The following MYO18B variants were observed in gnomAD, a reference collection of about 807,000 sequenced individuals.
MYO18B encodes the protein myosin XVIIIB.
In MYO18B, 204 loss-of-function variants were observed where a neutral mutation model predicts 273.0. The ratio of observed to expected loss-of-function variants is 0.75; its 90% CI spans 0.67 to 0.84. The LOEUF is 0.84. Among genes scored for constraint, MYO18B ranks in the 40% least tolerant of loss-of-function variants. The probability of loss-of-function intolerance (pLI) is 0.00; values close to 1 mark genes in which losing one functional copy is unlikely to be tolerated. For synonymous variants in MYO18B, 1,330 were observed against 1,305.7 expected (o/e 1.02, Z -0.40); for missense variants, 3,212 against 3,287.6 (o/e 0.98, Z 0.56).
rs1569309620 is a variant in MYO18B at position 26,027,085 on chromosome 22, C to T, written c.7111C>T (p.Pro2371Ser). The T allele has an allele frequency of 6.2e-7, 1 of 1,614,012 alleles. No individual in the cohort carries two copies. The highest frequency in any genetic ancestry group is 8.5e-7 in the Non-Finnish European group (1 of 1,179,894). ...MGRKLSSPTT[P>S]RDMLLSPTLR... is the part of the protein sequence containing the mutation. ...GAGAAAACTGAGCTCTCCGACCACA[C>T]CCAGGGACATGCTGTTGTCGCCCAC... The change falls in exon 43 of 44, where the codon CCC (proline) becomes TCC (serine). Residue 2371 changes from proline (P) to serine (S), a missense_variant. Physicochemically the swap from Pro to Ser is moderately conservative, Grantham distance 74 (BLOSUM62 -1). Coordinates refer to ENST00000335473, the MANE Select transcript of MYO18B (RefSeq NM_032608.7). The surrounding 1 kb of genome is among the most constrained non-coding windows in gnomAD (Gnocchi z 4.1).
intron 15 of MYO18B, among the ~76,000 whole-genome samples, chr22:25,831,707 A>G (rs543019628): frequency 2.6e-5 from 4 of 152,272 alleles, no homozygotes; most frequent in East Asian, 3.9e-4. Flanking sequence ...TGTGGCAACT[A>G]TTATTCCCCA....
intron 7 of MYO18B, among the ~76,000 whole-genome samples, chr22:25,773,900 G>A (rs563472622): frequency 3.9e-4 from 59 of 152,300 alleles, no homozygotes; most frequent in Non-Finnish European, 7.1e-4. Flanking sequence ...CTGCTGGGTG[G>A]AGGACAGATG....
intron 21 of MYO18B, among the ~76,000 whole-genome samples, chr22:25,855,533 G>A (rs1376461324): frequency 1.3e-5 from 2 of 152,070 alleles, no homozygotes; most frequent in Non-Finnish European, 2.9e-5. Context: ...GCCCACCTCG[G>A]CCTCCCAAAG....
At chr22:25,977,890 G>A (rs2093109298) in intron 39 of MYO18B, among the ~76,000 whole-genome samples, 1 of 152,204 alleles carries the variant, frequency 6.6e-6, no homozygotes, top group Admixed American at 6.5e-5. Flanking sequence ...GGTCAAGTGG[G>A]TGACAAGACT....
Position 25,768,972 on chromosome 22 carries a change from G to T in MYO18B, c.1056G>T (p.Gln352His). 3 of 1,611,334 alleles carry T rather than the reference G, an allele frequency of 1.9e-6. No individual in the cohort carries two copies. The highest frequency in any genetic ancestry group is 2.5e-6 in the Non-Finnish European group (3 of 1,178,702). Residue 352 changes from glutamine (Q) to histidine (H), a missense_variant, in exon 4 of 44, where the codon CAG becomes CAT. By Grantham distance (24) the Gln-to-His change is conservative. Transcript: ENST00000335473. ...AGGCAGAGAAGACAGGTGAGCCTCA[G>T]ACCCAGATGGAGAAGACAAGCCAAG... The part of the protein sequence containing the change: ...LSKAEKTGEP[Q>H]TQMEKTSQVQ...
the MYO18B span, among the ~76,000 whole-genome samples, chr22:26,046,374 A>G: frequency 6.6e-6 from 1 of 152,200 alleles, no homozygotes; most frequent in Non-Finnish European, 1.5e-5. Flanking sequence ...ACTTGCACTA[A>G]CTCAGAATTT....
At chr22:26,028,749 G>A (rs568433001) in intron 43 of MYO18B, among the ~76,000 whole-genome samples, 36 of 152,186 alleles carry the variant, frequency 2.4e-4, no homozygotes, top group Middle Eastern at 3.4e-3. Context: ...ATAGCAGAGC[G>A]TGGTAGCGGG....
rs188284554 is a variant in MYO18B, at chr22:25,972,302, A to T, written c.6156+16938A>T. 6.6e-5 allele frequency among the ~76,000 whole-genome samples: 10 copies of T among 152,196 alleles called. No individual in the cohort carries two copies. The South Asian group carries it at 1.5e-3, about 22-fold the overall frequency. ...CTTGCTTGGTTTGCATCTGTTAAGG[A>T]TGTCAGCTGGAGGTATATTTTAAGT... On this transcript the variant is annotated intron_variant, in intron 39 of 43. Transcript: ENST00000335473.
intron 25 of MYO18B, among the ~76,000 whole-genome samples, chr22:25,889,887 C>A (rs1445352645): frequency 6.6e-6 from 1 of 152,138 alleles, no homozygotes; most frequent in African/African-American, 2.4e-5. Context: ...CAGGACCCAT[C>A]CATTTCTTTC....
At chr22:26,049,883 G>C in the MYO18B span, among the ~76,000 whole-genome samples, 6 of 152,104 alleles carry the variant, frequency 3.9e-5, no homozygotes, top group African/African-American at 1.4e-4. Flanking sequence ...CACAGTGGCT[G>C]GTATACAACA....
chr22:25,962,537 G>A (rs2092929137), intron 39 of MYO18B, among the ~76,000 whole-genome samples: 1 of 152,188 alleles, frequency 6.6e-6, no homozygotes, highest in Admixed American at 6.5e-5. Context: ...ATCTTACTAT[G>A]TACCTAGCCC....
intron 21 of MYO18B, among the ~76,000 whole-genome samples, chr22:25,864,613 A>C (rs2090834513): frequency 6.6e-6 from 1 of 152,010 alleles, no homozygotes; most frequent in South Asian, 2.1e-4. Context: ...TTGGGTTCAA[A>C]CCCCCTACCA....
intron 11 of MYO18B, among the ~76,000 whole-genome samples, chr22:25,796,798 C>T (rs79080767): frequency 2.0e-5 from 3 of 152,108 alleles, no homozygotes; most frequent in Admixed American, 6.5e-5. Context: ...CGTGGGGGCA[C>T]GTATCAGTAT....
At chr22:26,048,698 TA>T in the MYO18B span, among the ~76,000 whole-genome samples, 13 of 151,124 alleles carry the variant, frequency 8.6e-5, no homozygotes, top group East Asian at 7.8e-4. Flanking sequence ...CTCTCATTAT[TA>T]AAAAAAAACA....
At chr22:25,872,273 G>A (rs1458699703) in intron 22 of MYO18B, among the ~76,000 whole-genome samples, 1 of 152,184 alleles carries the variant, frequency 6.6e-6, no homozygotes, top group South Asian at 2.1e-4. Context: ...ATGGAGAATC[G>A]ATCGAGACCC....
chr22:25,845,980 G>A, intron 18 of MYO18B, 120 bp from the exon 19 acceptor site: 2 of 832,526 alleles, frequency 2.4e-6, no homozygotes, highest in Non-Finnish European at 3.5e-6. Flanking sequence ...GACTGTAGAG[G>A]AGGCTTTAGG....
intron 1 of MYO18B, among the ~76,000 whole-genome samples, chr22:25,744,898 A>C (rs1463462333): frequency 6.6e-6 from 1 of 152,106 alleles, no homozygotes; most frequent in Non-Finnish European, 1.5e-5. Flanking sequence ...AGGGAAAGCC[A>C]CTTGTTCAAG....
At position 25,823,608 on chromosome 22, in the gene MYO18B, TCGAC is replaced by T; in HGVS notation, c.2626_2629del (p.Gln877SerfsTer5). Reference sequence around the variant, plus strand: ...ACACGGCCACCTTCAAGCACCACCTTCGACAGATCATCCAGCAAATGACGTTTGG... The same window carrying T: ...ACACGGCCACCTTCAAGCACCACCTTAGATCATCCAGCAAATGACGTTTGG... On this transcript the variant is annotated frameshift_variant, in exon 13 of 44. Coordinates refer to ENST00000335473, the MANE Select transcript of MYO18B (RefSeq NM_032608.7). LOFTEE classifies it high-confidence loss of function. 6.2e-7 allele frequency: 1 copy of T among 1,613,908 alleles called. No individual in the cohort carries two copies. The highest frequency in any genetic ancestry group is 2.2e-5 in the East Asian group (1 of 44,870).
At chr22:25,971,173 G>A (rs950103810) in intron 39 of MYO18B, among the ~76,000 whole-genome samples, 2 of 152,246 alleles carry the variant, frequency 1.3e-5, no homozygotes, top group Non-Finnish European at 2.9e-5. Context: ...GCGTGGTTAT[G>A]TTCCAATAAA....
Sources: allele counts gnomAD v4.1 joint callset (sites outside exome capture counted in the v4.1 genomes callset), GRCh38; gene constraint gnomAD v4.1.1; non-coding constraint Gnocchi (gnomAD v3.1); transcripts MANE v1.5; gene names NCBI Gene and HGNC (gene_info 2026-07-23, HGNC 2026-07-21).